USP3: variants seen among roughly 807,000 people sequenced by gnomAD.
USP3 encodes the protein ubiquitin specific peptidase 3, also known as ubiquitin carboxyl-terminal hydrolase 3.
Under a neutral mutation model 72.3 loss-of-function variants are expected in USP3, and 20 were observed. That is an observed-to-expected ratio of 0.28 (90% CI 0.19 to 0.40). The LOEUF is 0.40. Ranked by LOEUF, USP3 falls within the 10% of genes least tolerant of loss-of-function variation. USP3 has a pLI of 1.00. For missense variants in USP3, 479 were observed against 633.9 expected, an observed-to-expected ratio of 0.76 and a Z score of 2.62; for synonymous variants, 222 against 225.3, an observed-to-expected ratio of 0.99 and a Z score of 0.13.
Position 63,594,605 on chromosome 15 carries a change from A to G in USP3, c.*3779A>G, listed in dbSNP as rs2067259925. The G allele has an allele frequency of 6.6e-6, 1 of 152,242 alleles. No homozygotes were observed. 9.4% of individuals were successfully genotyped at this position (152,242 alleles called of 1,614,324 possible). ...GCTTCACCAACCTGAACTGTTTTTA[A>G]AAATATCATTAAAAGTCTGTTCTCT... On this transcript the variant is annotated 3_prime_UTR_variant, in exon 15 of 15. Transcript: ENST00000380324.
At chr15:63,523,127 C>G (rs2065940203) in intron 1 of USP3, among the ~76,000 whole-genome samples, 1 of 152,094 alleles carries the variant, frequency 6.6e-6, no homozygotes, top group African/African-American at 2.4e-5. Flanking sequence ...TTGAAATAAG[C>G]TTATTAAAAT....
intron 2 of USP3, among the ~76,000 whole-genome samples, chr15:63,536,715 G>T (rs2066162225): frequency 6.6e-6 from 1 of 151,958 alleles, no homozygotes; most frequent in Non-Finnish European, 1.5e-5. Context: ...TTAGCTGGGT[G>T]TGATGGTGGG....
At chr15:63,578,977 A>G (rs993574765) in intron 11 of USP3, among the ~76,000 whole-genome samples, 1 of 152,198 alleles carries the variant, frequency 6.6e-6, no homozygotes, top group African/African-American at 2.4e-5. Context: ...AGAAGCCCTC[A>G]ATTTTTAAAA....
chr15:63,560,296 A>G (rs529573783), intron 7 of USP3, among the ~76,000 whole-genome samples: 69 of 151,822 alleles, frequency 4.5e-4, no homozygotes, highest in Non-Finnish European at 7.5e-4. Flanking sequence ...GGTACCTGTA[A>G]TCCCAGCTAC....
chr15:63,534,227 AT>A (rs1567100206), intron 2 of USP3, among the ~76,000 whole-genome samples: 1 of 152,182 alleles, frequency 6.6e-6, no homozygotes, highest in Non-Finnish European at 1.5e-5. Context: ...TTGGATCTCC[AT>A]TTTACATAGC....
At chr15:63,550,848 T>C (rs191051951) in intron 3 of USP3, among the ~76,000 whole-genome samples, 1 of 152,284 alleles carries the variant, frequency 6.6e-6, no homozygotes, top group African/African-American at 2.4e-5. Flanking sequence ...TTAAAATTGT[T>C]TTCTACATTG....
In USP3 at chr15:63,529,433, A is replaced by AC. The variant is rs1340751629; in HGVS notation, c.92-3210dup. On this transcript the variant is annotated intron_variant, in intron 1 of 14. Transcript: ENST00000380324. The surrounding 1 kb of genome is among the most constrained non-coding windows in gnomAD (Gnocchi z 4.2). ...TATCTAGTTCCGAAACATTTTCATA[A>AC]CCCCAAAATAAACTCTATACCAATT... 6.6e-6 allele frequency among the ~76,000 whole-genome samples: 1 copy of AC among 152,072 alleles called. No homozygotes were observed. Among genetic ancestry groups the AC allele is most frequent in the Non-Finnish European group, 1.5e-5 (1 of 68,014 alleles).
chr15:63,554,309 T>C (rs10450989), intron 4 of USP3, among the ~76,000 whole-genome samples: 5,022 of 152,298 alleles, frequency 0.033, 106 homozygotes, highest in Middle Eastern at 0.099. Context: ...CAGTTAAATA[T>C]CAGTTGACAT....
At chr15:63,510,909 T>C (rs1465829752) in intron 1 of USP3, among the ~76,000 whole-genome samples, 1 of 152,224 alleles carries the variant, frequency 6.6e-6, no homozygotes, top group African/African-American at 2.4e-5. Flanking sequence ...ATTGTGGTTG[T>C]ATCTTAAAAT....
At chr15:63,560,401 G>A (rs1311468230) in intron 7 of USP3, among the ~76,000 whole-genome samples, 2 of 147,900 alleles carry the variant, frequency 1.4e-5, no homozygotes, top group African/African-American at 5.0e-5. Flanking sequence ...AGGTGACAGG[G>A]CGAGACTCCA....
rs2065684085 is a variant in USP3, at chr15:63,504,697, G to GGGTCCTGGAGCCGC, written c.-42_-29dup. Reference sequence around the variant, plus strand: ...GGAGTTCCTCCGCCCCCACCTCGCCGGGTCCTGGAGCCGCAGTCCTCCCAG... The same window carrying GGGTCCTGGAGCCGC: ...GGAGTTCCTCCGCCCCCACCTCGCCGGGTCCTGGAGCCGCGGTCCTGGAGCCGCAGTCCTCCCAG... On this transcript the variant is annotated 5_prime_UTR_variant, in exon 1 of 15. Transcript: ENST00000380324. The GGGTCCTGGAGCCGC allele has an allele frequency of 6.6e-7, 1 of 1,525,376 alleles. No homozygotes were observed. Among genetic ancestry groups the GGGTCCTGGAGCCGC allele is most frequent in the Non-Finnish European group, 8.9e-7 (1 of 1,129,228 alleles). 94.5% of individuals were successfully genotyped at this position (1,525,376 alleles called of 1,614,324 possible). A position where few individuals can be genotyped will look rare whatever the true frequency, so the allele number is the denominator to read the frequency against.
chr15:63,567,724 G>A (rs532229810), intron 8 of USP3, among the ~76,000 whole-genome samples: 19 of 151,652 alleles, frequency 1.3e-4, no homozygotes, highest in Non-Finnish European at 2.2e-4. Context: ...CAGGTGATCC[G>A]TCTGCCTCAG....
chr15:63,536,369 A>G (rs991272440), intron 2 of USP3, among the ~76,000 whole-genome samples: 4 of 151,712 alleles, frequency 2.6e-5, no homozygotes, highest in African/African-American at 4.8e-5. Flanking sequence ...AGCAGAGTCT[A>G]TGGCCCTGTG....
intron 1 of USP3, among the ~76,000 whole-genome samples, chr15:63,518,706 C>T (rs1290775095): frequency 2.0e-5 from 3 of 152,024 alleles, no homozygotes; most frequent in Non-Finnish European, 4.4e-5. Context: ...TTATATATTT[C>T]CCCTTATTAA....
intron 8 of USP3, among the ~76,000 whole-genome samples, chr15:63,567,359 T>G (rs2066707554): frequency 1.3e-5 from 2 of 148,386 alleles, no homozygotes; most frequent in Admixed American, 1.3e-4. Context: ...TTTTTTTTTT[T>G]TTTTTGAGAC....
At position 63,574,283 on chromosome 15, in the gene USP3, G is replaced by C; in HGVS notation, c.1016-40G>C. ...GAAATTATTTTGAATGGACATATAT[G>C]CCTTTAACAGCTCTCTGTTTACCTC... On this transcript the variant is annotated intron_variant, in intron 10 of 14. Coordinates refer to ENST00000380324, the MANE Select transcript of USP3 (RefSeq NM_006537.4). This position sits in a 1 kb window ranked among gnomAD's most constrained non-coding sequence, Gnocchi z 4.6. The C allele has an allele frequency of 1.3e-6, 2 of 1,530,848 alleles. No individual in the cohort carries two copies. Among genetic ancestry groups the C allele is most frequent in the African/African-American group, 2.8e-5 (2 of 71,422 alleles). The allele number at this position is 1,530,848 out of a possible 1,614,324, so 94.8% of individuals were successfully genotyped here.
chr15:63,548,279 GCACA>G (rs1275156742), intron 3 of USP3, among the ~76,000 whole-genome samples: 2 of 152,026 alleles, frequency 1.3e-5, no homozygotes, highest in Non-Finnish European at 1.5e-5. Flanking sequence ...CATTACAGGT[GCACA>G]CCATCATGCT....
rs2066028059 is a variant in USP3 at position 63,529,085 on chromosome 15, G to A, written c.92-3562G>A. On this transcript the variant is annotated intron_variant, in intron 1 of 14. Transcript: ENST00000380324. This position sits in a 1 kb window ranked among gnomAD's most constrained non-coding sequence, Gnocchi z 4.2. ...ACTGTATGTTGCCCAGGCTGGCCTCGAACTCTAGGCTCAAGTGATTCTTCT... is the reference window on the plus strand; with the variant it reads ...ACTGTATGTTGCCCAGGCTGGCCTCAAACTCTAGGCTCAAGTGATTCTTCT... 7.0e-6 allele frequency: 9 copies of A among 1,280,448 alleles called. No individual in the cohort carries two copies. The highest frequency in any genetic ancestry group is 2.3e-5 in the Admixed American group (1 of 43,518). 79.3% of individuals were successfully genotyped at this position (1,280,448 alleles called of 1,614,324 possible).
chr15:63,536,956 T>G, intron 2 of USP3, 69 bp from the exon 3 acceptor site: 2 of 1,468,350 alleles, frequency 1.4e-6, no homozygotes, highest in Admixed American at 2.2e-5. Context: ...AATATTTAAT[T>G]TCATCATTTC....
Sources: gnomAD v4.1 joint callset for allele counts (sites outside exome capture counted in the v4.1 genomes callset) on GRCh38, gnomAD v4.1.1 for gene constraint, Gnocchi (gnomAD v3.1) non-coding constraint, MANE v1.5 for transcripts, NCBI Gene and HGNC (gene_info 2026-07-23, HGNC 2026-07-21) for gene names.